The following SLC17A3 variants were observed in gnomAD, a reference collection of about 807,000 sequenced individuals.
SLC17A3 encodes sodium-dependent phosphate transport protein 4.
In SLC17A3, 61 loss-of-function variants were observed where a neutral mutation model predicts 60.3. The ratio of observed to expected loss-of-function variants is 1.01; its 90% CI spans 0.82 to 1.25. SLC17A3 has a LOEUF of 1.25. Among genes scored for constraint, SLC17A3 ranks in the 50% most tolerant of loss-of-function variants. The pLI is 0.00. For synonymous variants in SLC17A3, 192 were observed against 208.9 expected (o/e 0.92, Z 0.70); for missense variants, 624 against 594.9 (o/e 1.05, Z -0.51).
At chr6:25,872,589 T>TAC (rs1765662430) in intron 1 of SLC17A3, among the ~76,000 whole-genome samples, 1 of 147,698 alleles carries the variant, frequency 6.8e-6, no homozygotes, top group South Asian at 2.1e-4. Flanking sequence ...TATACATATA[T>TAC]ATATATTTAT....
intron 1 of SLC17A3, among the ~76,000 whole-genome samples, chr6:25,872,070 C>T (rs537159256): frequency 9.2e-5 from 14 of 152,046 alleles, no homozygotes; most frequent in Non-Finnish European, 1.9e-4. Flanking sequence ...AGTTGTTGAA[C>T]ATAGCCATTA....
intron 5 of SLC17A3, among the ~76,000 whole-genome samples, chr6:25,855,624 T>A (rs1239992229): frequency 1.3e-5 from 2 of 152,204 alleles, no homozygotes; most frequent in Non-Finnish European, 2.9e-5. Context: ...ATTGCATACC[T>A]TTTCTTTTCT....
At chr6:25,854,333 T>C (rs1164957359) in intron 6 of SLC17A3, among the ~76,000 whole-genome samples, 1 of 152,234 alleles carries the variant, frequency 6.6e-6, no homozygotes, top group Non-Finnish European at 1.5e-5. Context: ...ATTAGGTGCA[T>C]ATACATTTCA....
intron 6 of SLC17A3, among the ~76,000 whole-genome samples, chr6:25,854,174 CTG>C (rs1765323813): frequency 1.3e-5 from 2 of 152,130 alleles, no homozygotes; most frequent in Admixed American, 1.3e-4. Context: ...AAGTACTCTA[CTG>C]TTGTTGAATA....
chr6:25,856,064 G>T (rs1765351451), intron 5 of SLC17A3, among the ~76,000 whole-genome samples: 1 of 152,150 alleles, frequency 6.6e-6, no homozygotes, highest in African/African-American at 2.4e-5. Flanking sequence ...GACTTGCTAG[G>T]TCAAAGTCTA....
intron 5 of SLC17A3, 99 bp from the exon 6 acceptor site, chr6:25,855,329 C>T: frequency 2.5e-6 from 2 of 803,716 alleles, no homozygotes; most frequent in South Asian, 3.0e-5. Flanking sequence ...TAGCTTTAAA[C>T]CATAAGGAGA....
chr6:25,850,249 A>G (rs1333761671), intron 8 of SLC17A3, 72 bp from the exon 9 acceptor site: 7 of 1,479,464 alleles, frequency 4.7e-6, no homozygotes, highest in East Asian at 4.8e-5. Context: ...ATAAATTACT[A>G]CTAATAATAA....
At chr6:25,867,414 TGTA>T (rs1765554744) in intron 2 of SLC17A3, among the ~76,000 whole-genome samples, 1 of 151,976 alleles carries the variant, frequency 6.6e-6, no homozygotes, top group Admixed American at 6.6e-5. Context: ...CTAACGTCTC[TGTA>T]GTGAACAAAG....
In SLC17A3 at chr6:25,850,513, C is replaced by G; in HGVS notation, c.939G>C (p.Met313Ile). Residue 313 changes from methionine (M) to isoleucine (I), a missense_variant, in exon 8 of 13, where the codon ATG becomes ATC. Coordinates refer to ENST00000397060, the MANE Select transcript of SLC17A3 (RefSeq NM_001098486.2). ...CFSHQWLVST[M>I]VVYIPTYISS... ...TGATGTAAGTTGGTATGTATACAAC[C>G]ATTGTGCTAACTAACCATTGATGGC... 6.2e-7 allele frequency: 1 copy of G among 1,613,742 alleles called. No homozygotes were observed. The highest frequency in any genetic ancestry group is 8.5e-7 in the Non-Finnish European group (1 of 1,179,768).
At chr6:25,867,444 A>G (rs901423411) in intron 2 of SLC17A3, among the ~76,000 whole-genome samples, 23 of 151,916 alleles carry the variant, frequency 1.5e-4, no homozygotes, top group African/African-American at 5.6e-4. Context: ...AAATACGTAA[A>G]CTCTTTGCCT....
intron 5 of SLC17A3, 39 bp from the exon 6 acceptor site, chr6:25,855,269 T>A (rs1185449776): frequency 7.1e-7 from 1 of 1,416,238 alleles, no homozygotes; most frequent in Admixed American, 1.7e-5. Context: ...GACTCTAGAC[T>A]TCTACCTGGA....
intron 11 of SLC17A3, 89 bp from the exon 12 acceptor site, chr6:25,845,605 G>C: frequency 6.9e-7 from 1 of 1,459,778 alleles, no homozygotes; most frequent in Non-Finnish European, 9.6e-7. Flanking sequence ...AACATTCACT[G>C]GTGGGTTTCC....
intron 11 of SLC17A3, among the ~76,000 whole-genome samples, chr6:25,848,221 A>G (rs1765210848): frequency 6.6e-6 from 1 of 152,230 alleles, no homozygotes; most frequent in African/African-American, 2.4e-5. Flanking sequence ...CTGTGCAATT[A>G]TCTTTTTCGT....
chr6:25,867,660 T>A (rs1265010697), intron 2 of SLC17A3, among the ~76,000 whole-genome samples: 3 of 151,818 alleles, frequency 2.0e-5, no homozygotes, highest in Non-Finnish European at 4.4e-5. Context: ...AAATATCCAG[T>A]CACAAGAAGA....
intron 7 of SLC17A3, 60 bp from the exon 8 acceptor site, chr6:25,850,680 C>T (rs781388960): frequency 1.2e-6 from 2 of 1,609,968 alleles, no homozygotes; most frequent in East Asian, 2.2e-5. Flanking sequence ...CACTTAGTCA[C>T]CCTTAAAAAT....
intron 11 of SLC17A3, among the ~76,000 whole-genome samples, chr6:25,848,422 G>T (rs1765215191): frequency 6.6e-6 from 1 of 152,118 alleles, no homozygotes; most frequent in South Asian, 2.1e-4. Context: ...ATATCGCATT[G>T]TGGTTTTGAT....
chr6:25,850,427 C>A, intron 8 of SLC17A3, 32 bp downstream of exon 8: 1 of 1,607,720 alleles, frequency 6.2e-7, no homozygotes, highest in South Asian at 1.1e-5. Flanking sequence ...GCCATGCAAG[C>A]AGGAGAAAGG....
intron 6 of SLC17A3, among the ~76,000 whole-genome samples, chr6:25,852,589 A>G (rs1194281589): frequency 6.6e-6 from 1 of 151,952 alleles, no homozygotes; most frequent in Non-Finnish European, 1.5e-5. Context: ...ATTTTATTGT[A>G]TCTAATCTGT....
intron 6 of SLC17A3, among the ~76,000 whole-genome samples, chr6:25,854,236 A>T (rs1403091024): frequency 6.6e-6 from 1 of 152,202 alleles, no homozygotes; most frequent in Non-Finnish European, 1.5e-5. Context: ...AGAGAAGAAT[A>T]TTGAGGCCTC....
Sources: allele counts gnomAD v4.1 joint callset (sites outside exome capture counted in the v4.1 genomes callset), GRCh38; gene constraint gnomAD v4.1.1; transcripts MANE v1.5; gene names NCBI Gene and HGNC (gene_info 2026-07-23, HGNC 2026-07-21).